Variants in TRIP12 observed in about 807,000 individuals in gnomAD.
TRIP12 encodes thyroid hormone receptor interactor 12.
TRIP12 carries 25 observed loss-of-function variants against 244.2 expected under a neutral mutation model. That is an observed-to-expected ratio of 0.10 (90% CI 0.07 to 0.14). The LOEUF (loss-of-function observed/expected upper bound fraction) is 0.14. Among genes scored for constraint, TRIP12 ranks in the 10% least tolerant of loss-of-function variants. The pLI is 1.00. For missense variants in TRIP12, 1,677 were observed against 2,486.4 expected (o/e 0.67, Z 6.92); for synonymous variants, 905 against 873.1 (o/e 1.04, Z -0.64).
intron 1 of TRIP12, among the ~76,000 whole-genome samples, chr2:229,906,545 C>T (rs2072881795): frequency 2.0e-5 from 3 of 151,080 alleles, no homozygotes; most frequent in East Asian, 1.9e-4. Flanking sequence ...CATGGTGAAA[C>T]CCTGTCTCTA....
At chr2:229,806,654 T>G (rs2045964463) in intron 17 of TRIP12, among the ~76,000 whole-genome samples, 1 of 152,240 alleles carries the variant, frequency 6.6e-6, no homozygotes. Flanking sequence ...AGGATTGGCC[T>G]GCTTATACAC....
At chr2:229,846,392 A>G (rs186123347) in intron 4 of TRIP12, among the ~76,000 whole-genome samples, 1 of 152,326 alleles carries the variant, frequency 6.6e-6, no homozygotes, top group East Asian at 1.9e-4. Flanking sequence ...AAAGATTATG[A>G]CTTGCTAAGG....
chr2:229,868,375 G>A (rs1272824165), intron 2 of TRIP12, among the ~76,000 whole-genome samples: 1 of 152,024 alleles, frequency 6.6e-6, no homozygotes, highest in African/African-American at 2.4e-5. Context: ...CTAATTTACT[G>A]TATTTTTAGT....
At chr2:229,788,474 C>T (rs2040624081) in intron 32 of TRIP12, among the ~76,000 whole-genome samples, 3 of 152,174 alleles carry the variant, frequency 2.0e-5, no homozygotes, top group African/African-American at 7.2e-5. Context: ...GTTCTAGAGT[C>T]CCTGACCCAA....
rs1476722320 is a variant in TRIP12, at chr2:229,771,461, A to G, written c.5808+58T>C. On this transcript the variant is annotated intron_variant, in intron 39 of 41. Transcript: ENST00000675903. ...AATACGGTCTTTGACTAGGCAGCAC[A>G]GAAACACTCCACTAAAATTATAGGT... is the stretch of plus-strand genomic sequence containing the variant. 1.2e-5 allele frequency: 18 copies of G among 1,468,202 alleles called. No homozygotes were observed. The East Asian group carries it at 4.1e-4, about 33-fold the overall frequency. The allele number at this position is 1,468,202 out of a possible 1,614,324, so 90.9% of individuals were successfully genotyped here.
At chr2:229,808,453 A>G (rs2046423903) in intron 15 of TRIP12, 84 bp from the exon 16 acceptor site, 19 of 835,012 alleles carry the variant, frequency 2.3e-5, no homozygotes, top group Non-Finnish European at 3.3e-5. Flanking sequence ...CCAAGGGGGG[A>G]AAATAATCAG....
At chr2:229,836,057 G>T (rs1427451599) in intron 6 of TRIP12, among the ~76,000 whole-genome samples, 6 of 152,108 alleles carry the variant, frequency 3.9e-5, no homozygotes, top group Non-Finnish European at 8.8e-5. Context: ...CAACCTTCCT[G>T]GCAAACTATG....
chr2:229,792,097 C>T, intron 28 of TRIP12, 32 bp from the exon 29 acceptor site: 2 of 1,613,878 alleles, frequency 1.2e-6, no homozygotes, highest in Non-Finnish European at 1.7e-6. Flanking sequence ...CCATTTAAGC[C>T]AAAGGCCCTG....
intron 38 of TRIP12, 24 bp downstream of exon 38, chr2:229,774,072 AC>A: frequency 1.2e-6 from 2 of 1,604,144 alleles, no homozygotes; most frequent in Non-Finnish European, 8.5e-7. Flanking sequence ...CAACTGGCCT[AC>A]CCCCCAAAGA....
chr2:229,816,930 T>C (rs558979563), intron 9 of TRIP12, among the ~76,000 whole-genome samples: 35 of 152,310 alleles, frequency 2.3e-4, no homozygotes, highest in Non-Finnish European at 2.2e-4. Flanking sequence ...ATAATATTGC[T>C]ATTATGAAAC....
chr2:229,889,791 T>C (rs941838679), intron 1 of TRIP12, among the ~76,000 whole-genome samples: 2 of 152,142 alleles, frequency 1.3e-5, no homozygotes, highest in African/African-American at 4.8e-5. Context: ...TTATGAAAAA[T>C]GAGGAGCTGC....
At chr2:229,816,352 A>C (rs1219289865) in intron 9 of TRIP12, among the ~76,000 whole-genome samples, 1 of 151,716 alleles carries the variant, frequency 6.6e-6, no homozygotes, top group Non-Finnish European at 1.5e-5. Flanking sequence ...CTATCAAATC[A>C]CTTAATGTCA....
chr2:229,805,936 C>T, intron 17 of TRIP12, 53 bp from the exon 18 acceptor site: 2 of 1,413,030 alleles, frequency 1.4e-6, no homozygotes, highest in Non-Finnish European at 1.9e-6. Context: ...AATCTATTAC[C>T]TTAAGACACA....
At chr2:229,825,727 T>C (rs921691642) in intron 8 of TRIP12, among the ~76,000 whole-genome samples, 1 of 152,178 alleles carries the variant, frequency 6.6e-6, no homozygotes, top group African/African-American at 2.4e-5. Flanking sequence ...GGGATTGCAA[T>C]TCAAGATGAG....
intron 34 of TRIP12, among the ~76,000 whole-genome samples, chr2:229,785,209 C>G (rs1205953511): frequency 1.3e-5 from 2 of 152,208 alleles, no homozygotes; most frequent in African/African-American, 2.4e-5. Flanking sequence ...TACTGCATGA[C>G]TCCATTTATG....
chr2:229,828,570 G>A (rs1051231938), intron 8 of TRIP12, among the ~76,000 whole-genome samples: 1 of 151,852 alleles, frequency 6.6e-6, no homozygotes, highest in Non-Finnish European at 1.5e-5. Context: ...TCAGGAGATC[G>A]AGATCAGCCA....
intron 2 of TRIP12, among the ~76,000 whole-genome samples, chr2:229,862,237 C>T (rs1296665591): frequency 6.6e-6 from 1 of 152,106 alleles, no homozygotes; most frequent in Non-Finnish European, 1.5e-5. Context: ...TAAAATTTTG[C>T]TTTAACCAAT....
chr2:229,786,134 C>T (rs1486827749), intron 33 of TRIP12, among the ~76,000 whole-genome samples: 2 of 152,110 alleles, frequency 1.3e-5, no homozygotes, highest in African/African-American at 2.4e-5. Flanking sequence ...AGAAAAAAAT[C>T]GTCTTTGCCA....
chr2:229,850,830 G>T (rs1196311978), intron 4 of TRIP12, among the ~76,000 whole-genome samples: 1 of 152,206 alleles, frequency 6.6e-6, no homozygotes, highest in Non-Finnish European at 1.5e-5. Flanking sequence ...CGGCCCTGCC[G>T]GCCCCAGGCA....
Sources: allele counts gnomAD v4.1 joint callset (sites outside exome capture counted in the v4.1 genomes callset), GRCh38; gene constraint gnomAD v4.1.1; transcripts MANE v1.5; gene names NCBI Gene and HGNC (gene_info 2026-07-23, HGNC 2026-07-21).